TOX: variants seen among roughly 807,000 people sequenced by gnomAD.
The protein encoded by TOX is thymocyte selection associated high mobility group box.
In TOX, 11 loss-of-function variants were observed where a neutral mutation model predicts 53.7. The observed-to-expected ratio is 0.20, with a 90% CI of 0.13 to 0.34. The LOEUF (loss-of-function observed/expected upper bound fraction) is 0.34. Ranked by LOEUF, TOX falls within the 10% of genes least tolerant of loss-of-function variation. TOX has a pLI of 1.00. For synonymous variants in TOX, 225 were observed against 245.3 expected (o/e 0.92, Z 0.77); for missense variants, 570 against 664.6 (o/e 0.86, Z 1.56).
chr8:59,099,784 G>A (rs1462993279), intron 1 of TOX, among the ~76,000 whole-genome samples: 3 of 152,142 alleles, frequency 2.0e-5, no homozygotes, highest in African/African-American at 7.2e-5. Context: ...ATTACAGTTT[G>A]GGAGTGAAAT....
intron 1 of TOX, among the ~76,000 whole-genome samples, chr8:59,043,850 G>A (rs1803639132): frequency 6.6e-6 from 1 of 152,196 alleles, no homozygotes; most frequent in Non-Finnish European, 1.5e-5. Context: ...GATTGATGCT[G>A]GCATTCAGCC....
In TOX at chr8:58,925,399, G is replaced by T. The variant is rs540679326; in HGVS notation, c.411+13903C>A. 6.6e-5 allele frequency among the ~76,000 whole-genome samples: 10 copies of T among 152,284 alleles called. 1 individual carries two copies. In the South Asian group the frequency reaches 2.1e-3, roughly 32 times the overall value. ...TGCCCAAGATGCCAAAAGGAAAGAA[G>T]ACCACAGGGAAGGACGGGGTCCCAT... On this transcript the variant is annotated intron_variant, in intron 3 of 8. Transcript: ENST00000361421.
At chr8:58,930,472 C>T (rs539616324) in intron 3 of TOX, among the ~76,000 whole-genome samples, 1 of 152,262 alleles carries the variant, frequency 6.6e-6, no homozygotes, top group African/African-American at 2.4e-5. Flanking sequence ...TGTTTTTCTC[C>T]ATGGGGAGTG....
At chr8:58,999,496 T>C (rs1813649764) in intron 1 of TOX, among the ~76,000 whole-genome samples, 1 of 152,142 alleles carries the variant, frequency 6.6e-6, no homozygotes, top group East Asian at 1.9e-4. Context: ...AGAAATACTG[T>C]AGGCCCTGAA....
chr8:58,869,137 G>T (rs1035215614), intron 3 of TOX, among the ~76,000 whole-genome samples: 26 of 145,778 alleles, frequency 1.8e-4, no homozygotes, highest in Admixed American at 1.5e-3. Flanking sequence ...TAAGGCAAGG[G>T]AATCACTTGA....
chr8:59,016,891 T>C (rs1814021866), intron 1 of TOX, among the ~76,000 whole-genome samples: 1 of 152,254 alleles, frequency 6.6e-6, no homozygotes, highest in African/African-American at 2.4e-5. Context: ...ATGACTTTTA[T>C]AGCTTTGTAG....
intron 3 of TOX, among the ~76,000 whole-genome samples, chr8:58,931,214 T>C (rs1246062703): frequency 6.6e-6 from 1 of 151,922 alleles, no homozygotes; most frequent in East Asian, 1.9e-4. Flanking sequence ...GACCCTATCA[T>C]AAAACATCCA....
chr8:58,929,368 G>A (rs1407064096), intron 3 of TOX, among the ~76,000 whole-genome samples: 2 of 152,028 alleles, frequency 1.3e-5, no homozygotes, highest in East Asian at 3.8e-4. Context: ...CCTACACAGT[G>A]TGTATTGCTG....
intron 4 of TOX, among the ~76,000 whole-genome samples, chr8:58,848,785 G>A (rs923877989): frequency 1.3e-5 from 2 of 151,992 alleles, no homozygotes; most frequent in Admixed American, 6.6e-5. Context: ...TTTTACTGAT[G>A]TATTTACAAT....
chr8:58,880,628 C>T (rs546550329), intron 3 of TOX, among the ~76,000 whole-genome samples: 3 of 152,154 alleles, frequency 2.0e-5, no homozygotes, highest in South Asian at 4.2e-4. Context: ...GCTAAACATG[C>T]TAAAGCAAAA....
At chr8:58,847,706 A>G (rs902246999) in intron 4 of TOX, among the ~76,000 whole-genome samples, 1 of 152,144 alleles carries the variant, frequency 6.6e-6, no homozygotes, top group African/African-American at 2.4e-5. Context: ...ACATATCACC[A>G]TGAAGCTGCA....
intron 3 of TOX, among the ~76,000 whole-genome samples, chr8:58,898,928 G>A (rs530003342): frequency 6.6e-6 from 1 of 152,278 alleles, no homozygotes; most frequent in Non-Finnish European, 1.5e-5. Flanking sequence ...TTTACTCTCT[G>A]AGGTAGGCAA....
intron 1 of TOX, among the ~76,000 whole-genome samples, chr8:58,976,566 T>C (rs986089355): frequency 6.6e-6 from 1 of 152,240 alleles, no homozygotes; most frequent in African/African-American, 2.4e-5. Flanking sequence ...ATGAATGTTC[T>C]TAATGGCAAC....
At chr8:58,975,795 C>T (rs746872228) in intron 1 of TOX, among the ~76,000 whole-genome samples, 3 of 152,026 alleles carry the variant, frequency 2.0e-5, no homozygotes, top group Non-Finnish European at 4.4e-5. Context: ...GACAATAGGC[C>T]AGGCGCAGTG....
intron 1 of TOX, among the ~76,000 whole-genome samples, chr8:59,015,392 T>G (rs1470001914): frequency 3.3e-5 from 5 of 152,204 alleles, no homozygotes; most frequent in Non-Finnish European, 7.3e-5. Context: ...AAGCTAGAGC[T>G]GAATTCCCCT....
At chr8:59,078,574 A>G (rs1189008940) in intron 1 of TOX, among the ~76,000 whole-genome samples, 3 of 152,220 alleles carry the variant, frequency 2.0e-5, no homozygotes, top group Non-Finnish European at 4.4e-5. Context: ...AGCAGATGCC[A>G]GCACCATGCT....
At chr8:59,065,764 C>T (rs757562172) in intron 1 of TOX, among the ~76,000 whole-genome samples, 1 of 151,970 alleles carries the variant, frequency 6.6e-6, no homozygotes, top group Non-Finnish European at 1.5e-5. Context: ...ATGGTAGGAA[C>T]AAAATTCTGT....
chr8:59,112,256 G>A (rs959323250), intron 1 of TOX, among the ~76,000 whole-genome samples: 1 of 152,190 alleles, frequency 6.6e-6, no homozygotes, highest in Non-Finnish European at 1.5e-5. Flanking sequence ...TTATAACCAG[G>A]AAAAGCTCAT....
chr8:59,021,402 T>A (rs1383934856), intron 1 of TOX, among the ~76,000 whole-genome samples: 2 of 145,724 alleles, frequency 1.4e-5, no homozygotes, highest in African/African-American at 5.0e-5. Flanking sequence ...AATACTGCCA[T>A]CTGTTGTCAG....
Sources: gnomAD v4.1 joint callset for allele counts (sites outside exome capture counted in the v4.1 genomes callset) on GRCh38, gnomAD v4.1.1 for gene constraint, MANE v1.5 for transcripts, NCBI Gene and HGNC (gene_info 2026-07-23, HGNC 2026-07-21) for gene names.